TTLL11: variants seen among roughly 807,000 people sequenced by gnomAD.
The protein encoded by TTLL11 is tubulin tyrosine ligase like 11, also known as tubulin polyglutamylase TTLL11.
In TTLL11, 42 loss-of-function variants were observed where a neutral mutation model predicts 51.7. That is an observed-to-expected ratio of 0.81 (90% CI 0.64 to 1.05). The LOEUF is 1.05. Ranked by LOEUF, TTLL11 falls within the 50% of genes least tolerant of loss-of-function variation. The probability of loss-of-function intolerance (pLI) is 0.00; values close to 1 mark genes in which losing one functional copy is unlikely to be tolerated. For synonymous variants in TTLL11, 381 were observed against 383.5 expected (o/e 0.99, Z 0.08); for missense variants, 799 against 940.4 (o/e 0.85, Z 1.97).
chr9:121,866,430 C>G (rs1421726152), intron 7 of TTLL11, among the ~76,000 whole-genome samples: 1 of 152,014 alleles, frequency 6.6e-6, no homozygotes. Context: ...GAGGCTGAGG[C>G]GGGTGGATCA....
chr9:121,916,646 G>T (rs1337725045), intron 6 of TTLL11, among the ~76,000 whole-genome samples: 1 of 152,188 alleles, frequency 6.6e-6, no homozygotes, highest in Non-Finnish European at 1.5e-5. Context: ...CACTTTCTGA[G>T]TTGGCCTTTA....
At chr9:121,879,639 G>A (rs10760201) in intron 6 of TTLL11, among the ~76,000 whole-genome samples, 108,407 of 152,072 alleles carry the variant, frequency 0.71, 38,982 homozygotes, top group East Asian at 0.9. Context: ...TAAGGCCCCC[G>A]GACTTCTCAT....
chr9:121,900,246 G>T (rs1446234771), intron 6 of TTLL11, among the ~76,000 whole-genome samples: 1 of 152,142 alleles, frequency 6.6e-6, no homozygotes, highest in Non-Finnish European at 1.5e-5. Context: ...TTGAAAGACA[G>T]GTTCATAGAG....
intron 6 of TTLL11, among the ~76,000 whole-genome samples, chr9:121,949,140 A>C (rs1239610931): frequency 6.6e-6 from 1 of 152,118 alleles, no homozygotes; most frequent in East Asian, 1.9e-4. Flanking sequence ...ATTAAATGAG[A>C]TATTAGTAAA....
chr9:122,037,606 C>A (rs1844738805), intron 2 of TTLL11, among the ~76,000 whole-genome samples: 1 of 152,162 alleles, frequency 6.6e-6, no homozygotes, highest in African/African-American at 2.4e-5. Context: ...CCTTAGAAGG[C>A]ATACTATGGA....
intron 1 of TTLL11, among the ~76,000 whole-genome samples, chr9:122,053,785 C>T (rs919485052): frequency 6.6e-6 from 1 of 152,170 alleles, no homozygotes; most frequent in Non-Finnish European, 1.5e-5. Context: ...CCCTTCCCTC[C>T]TGCCCGTGGG....
chr9:122,080,319 T>G (rs899037630), intron 1 of TTLL11, among the ~76,000 whole-genome samples: 1 of 152,220 alleles, frequency 6.6e-6, no homozygotes, highest in African/African-American at 2.4e-5. Flanking sequence ...TGGCCATATA[T>G]TCCAAAAGCC....
At chr9:121,951,824 G>A (rs1841860167) in intron 6 of TTLL11, among the ~76,000 whole-genome samples, 1 of 152,194 alleles carries the variant, frequency 6.6e-6, no homozygotes, top group Admixed American at 6.5e-5. Context: ...GCTGCTGGTT[G>A]CCCATTTTTA....
chr9:121,916,217 G>A (rs368946437), intron 6 of TTLL11, among the ~76,000 whole-genome samples: 1 of 152,266 alleles, frequency 6.6e-6, no homozygotes, highest in East Asian at 1.9e-4. Context: ...TTACTGTACT[G>A]ATAAGTAAAA....
chr9:122,065,718 G>A (rs893284600), intron 1 of TTLL11, among the ~76,000 whole-genome samples: 2 of 152,076 alleles, frequency 1.3e-5, no homozygotes, highest in Non-Finnish European at 2.9e-5. Flanking sequence ...CTGCACATGG[G>A]GCTAATGATT....
intron 6 of TTLL11, among the ~76,000 whole-genome samples, chr9:121,942,745 T>A (rs910432376): frequency 2.5e-4 from 31 of 125,606 alleles, no homozygotes; most frequent in African/African-American, 9.7e-4. Context: ...CTTATTTTTT[T>A]TTTTTTTTTT....
At chr9:122,030,204 G>GA (rs1158920362) in intron 3 of TTLL11, among the ~76,000 whole-genome samples, 7 of 106,594 alleles carry the variant, frequency 6.6e-5, no homozygotes, top group Admixed American at 8.8e-5. Flanking sequence ...AGAGACATTG[G>GA]GGGGGGGGGG....
intron 1 of TTLL11, among the ~76,000 whole-genome samples, chr9:122,090,768 A>T (rs1444163807): frequency 6.6e-6 from 1 of 152,196 alleles, no homozygotes; most frequent in Admixed American, 6.5e-5. Flanking sequence ...ACGACAATAA[A>T]CAAGCAATAC....
At chr9:121,981,431 T>C (rs954119746) in intron 4 of TTLL11, among the ~76,000 whole-genome samples, 6 of 152,200 alleles carry the variant, frequency 3.9e-5, no homozygotes, top group African/African-American at 9.6e-5. Flanking sequence ...CATTTCTCTC[T>C]TCACTAAGCT....
chr9:122,039,216 G>A (rs780931064), intron 2 of TTLL11, 56 bp downstream of exon 2: 3 of 1,390,294 alleles, frequency 2.2e-6, no homozygotes, highest in East Asian at 2.3e-5. Context: ...GTAGAAGAGT[G>A]TATCTGAGAC....
intron 6 of TTLL11, among the ~76,000 whole-genome samples, chr9:121,919,184 T>C (rs1840438439): frequency 6.6e-6 from 1 of 152,246 alleles, no homozygotes; most frequent in African/African-American, 2.4e-5. Context: ...TAATGGGGGC[T>C]CATTTAATTA....
At chr9:122,065,337 G>A (rs994149346) in intron 1 of TTLL11, among the ~76,000 whole-genome samples, 1 of 152,200 alleles carries the variant, frequency 6.6e-6, no homozygotes, top group Admixed American at 6.5e-5. Flanking sequence ...ACCTCTGGAG[G>A]TCAATCAGCC....
At chr9:121,844,527 G>C (rs1430571478) in intron 8 of TTLL11, among the ~76,000 whole-genome samples, 1 of 152,170 alleles carries the variant, frequency 6.6e-6, no homozygotes, top group Non-Finnish European at 1.5e-5. Context: ...GACAAAGCAA[G>C]CATGAGAAAC....
chr9:122,025,497 G>C (rs891425712), intron 3 of TTLL11, among the ~76,000 whole-genome samples: 3 of 152,180 alleles, frequency 2.0e-5, no homozygotes, highest in Admixed American at 6.5e-5. Flanking sequence ...GCCAGGTGTG[G>C]TGGCCTGTGC....
Sources: gnomAD v4.1 joint callset for allele counts (sites outside exome capture counted in the v4.1 genomes callset) on GRCh38, gnomAD v4.1.1 for gene constraint, MANE v1.5 for transcripts, NCBI Gene and HGNC (gene_info 2026-07-23, HGNC 2026-07-21) for gene names.